TEX9: variants seen among roughly 807,000 people sequenced by gnomAD.
The protein encoded by TEX9 is testis-expressed protein 9.
A neutral mutation model predicts 59.6 loss-of-function variants in TEX9; 74 were observed. The ratio of observed to expected loss-of-function variants is 1.24; its 90% CI spans 1.03 to 1.51. The LOEUF (loss-of-function observed/expected upper bound fraction) is 1.51, where lower values mean the gene tolerates loss of function less well. Among genes scored for constraint, TEX9 ranks in the 40% most tolerant of loss-of-function variants. The probability of loss-of-function intolerance (pLI) is 0.00; values close to 1 mark genes in which losing one functional copy is unlikely to be tolerated. For missense variants in TEX9, 522 were observed against 447.8 expected (o/e 1.17, Z -1.49); for synonymous variants, 186 against 152.2 (o/e 1.22, Z -1.64).
chr15:56,359,658 A>T (rs1475414005), intron 1 of TEX9, among the ~76,000 whole-genome samples: 3 of 152,102 alleles, frequency 2.0e-5, no homozygotes, highest in South Asian at 2.1e-4. Flanking sequence ...TTTCTTTTTT[A>T]AAAAAATTTT....
chr15:56,300,058 G>A (rs2045307004), intron 1 of TEX9, among the ~76,000 whole-genome samples: 1 of 152,082 alleles, frequency 6.6e-6, no homozygotes, highest in South Asian at 2.1e-4. Context: ...ACAGCACCAA[G>A]CGGGTTCCCG....
intron 1 of TEX9, among the ~76,000 whole-genome samples, chr15:56,306,438 C>A (rs2045488644): frequency 6.6e-6 from 1 of 151,984 alleles, no homozygotes; most frequent in Non-Finnish European, 1.5e-5. Flanking sequence ...TAAAAATGAA[C>A]AAGATCCTGT....
At chr15:56,434,221 T>G in intron 12 of TEX9, 4 of 1,613,990 alleles carry the variant, frequency 2.5e-6, no homozygotes, top group Non-Finnish European at 3.4e-6. Flanking sequence ...ATTCTTTGTT[T>G]CTGAGCATTC....
intron 1 of TEX9, among the ~76,000 whole-genome samples, chr15:56,264,915 T>C (rs1430500203): frequency 1.3e-5 from 2 of 152,234 alleles, no homozygotes; most frequent in African/African-American, 2.4e-5. Flanking sequence ...GCTGGTTATA[T>C]GTACAAGGGT....
chr15:56,307,364 C>A (rs560221410), intron 1 of TEX9, among the ~76,000 whole-genome samples: 11 of 152,272 alleles, frequency 7.2e-5, no homozygotes, highest in Middle Eastern at 3.4e-3. Flanking sequence ...CTCCCTAGCC[C>A]ACCAATCTGG....
At chr15:56,345,479 G>C (rs1354842800) in intron 1 of TEX9, among the ~76,000 whole-genome samples, 2 of 152,104 alleles carry the variant, frequency 1.3e-5, no homozygotes, top group African/African-American at 4.8e-5. Context: ...CTAAGAGATG[G>C]GGTCTTGCTA....
intron 12 of TEX9, chr15:56,443,869 C>A: frequency 6.4e-7 from 1 of 1,558,664 alleles, no homozygotes; most frequent in African/African-American, 1.4e-5. Context: ...AAAGCAATAA[C>A]AAGTACAGAT....
intron 1 of TEX9, among the ~76,000 whole-genome samples, chr15:56,340,048 G>A (rs1005776311): frequency 5.3e-5 from 8 of 152,044 alleles, no homozygotes; most frequent in Admixed American, 5.2e-4. Flanking sequence ...GGGATATGAT[G>A]GGTACCACTA....
chr15:56,402,460 A>G (rs1363124542), intron 9 of TEX9, among the ~76,000 whole-genome samples: 3 of 152,212 alleles, frequency 2.0e-5, no homozygotes, highest in African/African-American at 7.2e-5. Flanking sequence ...TTCTGAATAG[A>G]TCAATAACAG....
chr15:56,418,660 C>CA (rs1414366787), intron 10 of TEX9, among the ~76,000 whole-genome samples: 5 of 151,084 alleles, frequency 3.3e-5, no homozygotes, highest in South Asian at 4.2e-4. Context: ...CAAAAAAAAC[C>CA]AAAAAACAAA....
intron 10 of TEX9, among the ~76,000 whole-genome samples, chr15:56,419,148 G>A (rs1228583638): frequency 9.2e-5 from 14 of 151,454 alleles, no homozygotes; most frequent in South Asian, 6.2e-4. Flanking sequence ...TAGTGTTTCC[G>A]TTTTTTGATG....
rs748903586 is a variant in TEX9, at chr15:56,443,780, A to G, written c.*30-1891A>G. On this transcript the variant is annotated intron_variant, in intron 12 of 12. Transcript: ENST00000352903. Reference sequence around the variant, plus strand: ...CTCCTCACGTTTCTTTTTTCTCCAGAGAGCCTGCTCTTTCTGAAACTCTTC... The same window carrying G: ...CTCCTCACGTTTCTTTTTTCTCCAGGGAGCCTGCTCTTTCTGAAACTCTTC... 19 of 1,612,838 alleles carry G rather than the reference A, an allele frequency of 1.2e-5. No individual in the cohort carries two copies. The South Asian group carries it at 2.0e-4, about 17-fold the overall frequency.
upstream of TEX9, among the ~76,000 whole-genome samples, chr15:56,362,523 A>G (rs2046808333): frequency 6.6e-6 from 1 of 152,122 alleles, no homozygotes; most frequent in Non-Finnish European, 1.5e-5. Context: ...GATGTTGTAA[A>G]TAGTTTATTT....
intron 1 of TEX9, among the ~76,000 whole-genome samples, chr15:56,316,797 G>GCGAGA (rs1457050436): frequency 6.6e-6 from 1 of 152,216 alleles, no homozygotes; most frequent in East Asian, 1.9e-4. Flanking sequence ...CTAGCAATCA[G>GCGAGA]CGAGACTCCG....
chr15:56,454,000 T>C, the TEX9 span, among the ~76,000 whole-genome samples: 174 of 152,300 alleles, frequency 1.1e-3, no homozygotes, highest in African/African-American at 3.9e-3. Flanking sequence ...CAATTTGAAA[T>C]ACAGTCCATT....
At chr15:56,403,572 A>G (rs147518885) in intron 9 of TEX9, among the ~76,000 whole-genome samples, 6,738 of 152,346 alleles carry the variant, frequency 0.044, 224 homozygotes, top group Admixed American at 0.087. Context: ...TAATTTATAG[A>G]TTCAATGCCA....
At chr15:56,402,763 C>T (rs1409065549) in intron 9 of TEX9, among the ~76,000 whole-genome samples, 2 of 152,170 alleles carry the variant, frequency 1.3e-5, no homozygotes, top group African/African-American at 4.8e-5. Context: ...AATCCAGCAG[C>T]ATATCAAAAA....
intron 12 of TEX9, chr15:56,443,752 C>T: frequency 6.2e-7 from 1 of 1,613,154 alleles, no homozygotes; most frequent in Non-Finnish European, 8.5e-7. Flanking sequence ...TTTCTTCTTC[C>T]ATCTCCTCAC....
At chr15:56,349,705 G>A (rs752147939) in intron 1 of TEX9, among the ~76,000 whole-genome samples, 50 of 152,012 alleles carry the variant, frequency 3.3e-4, no homozygotes, top group Non-Finnish European at 5.3e-4. Flanking sequence ...ATACACACAC[G>A]TGTATATGTA....
Sources: allele counts gnomAD v4.1 joint callset (sites outside exome capture counted in the v4.1 genomes callset), GRCh38; gene constraint gnomAD v4.1.1; transcripts MANE v1.5; gene names NCBI Gene and HGNC (gene_info 2026-07-23, HGNC 2026-07-21).